STX8: variants seen among roughly 807,000 people sequenced by gnomAD.
STX8 encodes the protein syntaxin 8.
Under a neutral mutation model 37.5 loss-of-function variants are expected in STX8, and 23 were observed. The ratio of observed to expected loss-of-function variants is 0.61; its 90% CI spans 0.44 to 0.87. The LOEUF (loss-of-function observed/expected upper bound fraction) is 0.87, where lower values mean the gene tolerates loss of function less well. Ranked by LOEUF, STX8 falls within the 40% of genes least tolerant of loss-of-function variation. STX8 has a pLI of 0.00. For missense variants in STX8, 313 were observed against 284.7 expected (o/e 1.10, Z -0.71); for synonymous variants, 115 against 99.1 (o/e 1.16, Z -0.95).
At position 9,288,457 on chromosome 17, in the gene STX8, C is replaced by T. The variant is rs904507863; in HGVS notation, c.644-37812G>A. On this transcript the variant is annotated intron_variant, in intron 7 of 7. Transcript: ENST00000306357. ...CGGGTGGATCACGAGATCAAGAGAT[C>T]GAGACCATCCTGGCTAACGCGGTGA... Among the ~76,000 whole-genome samples the T allele has an allele frequency of 3.3e-5, 5 of 151,558 alleles. No homozygotes were observed. In the East Asian group the frequency reaches 7.8e-4, roughly 24 times the overall value.
chr17:9,450,351 C>T (rs771876229), intron 6 of STX8, among the ~76,000 whole-genome samples: 19 of 151,850 alleles, frequency 1.3e-4, no homozygotes, highest in Non-Finnish European at 2.6e-4. Context: ...GCTGGGATTA[C>T]AGGTGTGAGC....
At chr17:9,463,008 C>T (rs928660621) in intron 6 of STX8, among the ~76,000 whole-genome samples, 6 of 152,154 alleles carry the variant, frequency 3.9e-5, no homozygotes, top group African/African-American at 1.4e-4. Flanking sequence ...ATTCATCCAC[C>T]CTGGCAGGAA....
At chr17:9,409,523 A>C (rs1912911894) in intron 6 of STX8, among the ~76,000 whole-genome samples, 1 of 152,156 alleles carries the variant, frequency 6.6e-6, no homozygotes, top group Non-Finnish European at 1.5e-5. Flanking sequence ...GTTGTACTTA[A>C]TTGAATAATT....
At chr17:9,300,349 G>GA (rs57391846) in intron 7 of STX8, among the ~76,000 whole-genome samples, 1 of 123,782 alleles carries the variant, frequency 8.1e-6, no homozygotes, top group Non-Finnish European at 1.6e-5. Flanking sequence ...AAAAAAAAAA[G>GA]AAAGAAAGAA....
chr17:9,335,848 C>CACACACAT (rs1910123250), intron 7 of STX8, among the ~76,000 whole-genome samples: 1 of 122,416 alleles, frequency 8.2e-6, no homozygotes, highest in South Asian at 2.6e-4. Context: ...CACACACACA[C>CACACACAT]TCACACTCAC....
chr17:9,373,540 C>G (rs1012862641), intron 7 of STX8, among the ~76,000 whole-genome samples: 1 of 152,112 alleles, frequency 6.6e-6, no homozygotes, highest in Non-Finnish European at 1.5e-5. Flanking sequence ...CAATAGGTAC[C>G]TAGAATAATC....
chr17:9,537,290 G>T (rs4239106), intron 4 of STX8, among the ~76,000 whole-genome samples: 58,549 of 152,128 alleles, frequency 0.38, 11,881 homozygotes, highest in African/African-American at 0.51. Flanking sequence ...GCCGCCCTCA[G>T]AGCTAGGTTG....
rs181878957 is a variant in STX8, at chr17:9,485,883, G to A, written c.541+5946C>T. ...TTACAGGCATAAGCCACCATGCTCG[G>A]ACAATCCGGGAGTTCTAAATCTGAC... is the stretch of plus-strand genomic sequence containing the variant. On this transcript the variant is annotated intron_variant, in intron 6 of 7. Coordinates refer to ENST00000306357, the MANE Select transcript of STX8 (RefSeq NM_004853.3). Among the ~76,000 whole-genome samples the A allele has an allele frequency of 1.5e-3, 228 of 152,284 alleles. 3 individuals carry two copies. In the South Asian group the frequency reaches 0.021, roughly 14 times the overall value.
In STX8 at chr17:9,551,955, A is replaced by G. The variant is rs74933480; in HGVS notation, c.212+5479T>C. On this transcript the variant is annotated intron_variant, in intron 3 of 7. Transcript: ENST00000306357. Reference sequence around the variant, plus strand: ...ATTTTGCCAGGTATGGATGTTCAAGAAAAAAAAAAAGAAACAAAACTATCT... The same window carrying G: ...ATTTTGCCAGGTATGGATGTTCAAGGAAAAAAAAAAGAAACAAAACTATCT... 3.4e-5 allele frequency among the ~76,000 whole-genome samples: 5 copies of G among 147,560 alleles called. No individual in the cohort carries two copies. The South Asian group carries it at 6.4e-4, about 19-fold the overall frequency.
chr17:9,426,202 G>A (rs1317021903), intron 6 of STX8, among the ~76,000 whole-genome samples: 1 of 152,170 alleles, frequency 6.6e-6, no homozygotes, highest in Non-Finnish European at 1.5e-5. Flanking sequence ...GGGAAGCTGA[G>A]GCAGGAGGAC....
At chr17:9,256,689 G>A (rs1054149453) in intron 7 of STX8, among the ~76,000 whole-genome samples, 14 of 152,198 alleles carry the variant, frequency 9.2e-5, no homozygotes, top group Non-Finnish European at 4.4e-5. Context: ...AGGGTCTGAC[G>A]GTTCCTAAAG....
At chr17:9,572,761 C>T (rs773239262) in intron 1 of STX8, among the ~76,000 whole-genome samples, 1 of 152,044 alleles carries the variant, frequency 6.6e-6, no homozygotes, top group Non-Finnish European at 1.5e-5. Context: ...CCCTAATCAG[C>T]GACCCATTTT....
intron 7 of STX8, among the ~76,000 whole-genome samples, chr17:9,302,664 GA>G (rs534545623): frequency 2.2e-3 from 340 of 152,238 alleles, no homozygotes; most frequent in African/African-American, 6.8e-3. Flanking sequence ...AGGTGCCCAT[GA>G]CCTGGCTTTG....
chr17:9,562,838 G>C (rs967516810), intron 2 of STX8, among the ~76,000 whole-genome samples: 3 of 151,972 alleles, frequency 2.0e-5, no homozygotes, highest in African/African-American at 7.2e-5. Flanking sequence ...TTTGAGGGGG[G>C]ATTTCACATC....
Position 9,308,721 on chromosome 17 carries a change from CAAAAAAA to C in STX8, c.644-58083_644-58077del, listed in dbSNP as rs1171647976. ...CTGGAGGACAACAGTGAAACTCCGTCAAAAAAAAAAAAAAAAAAAAAAAGGAATTCTA... is the reference window on the plus strand; with the variant it reads ...CTGGAGGACAACAGTGAAACTCCGTCAAAAAAAAAAAAAAAAGGAATTCTA... On this transcript the variant is annotated intron_variant, in intron 7 of 7. Transcript: ENST00000306357. Among the ~76,000 whole-genome samples the C allele has an allele frequency of 9.5e-3, 679 of 71,378 alleles. 1 individual carries two copies. Among genetic ancestry groups the C allele is most frequent in the Non-Finnish European group, 0.015 (529 of 34,422 alleles). 46.8% of individuals were successfully genotyped at this position (71,378 alleles called of 152,430 possible).
At chr17:9,324,157 A>AC (rs1567783713) in intron 7 of STX8, among the ~76,000 whole-genome samples, 1,256 of 113,998 alleles carry the variant, frequency 0.011, 34 homozygotes, top group Admixed American at 0.072. Context: ...CACACACACA[A>AC]ACACAAACAC....
intron 5 of STX8, among the ~76,000 whole-genome samples, chr17:9,495,313 A>T (rs997691666): frequency 7.2e-5 from 11 of 152,320 alleles, no homozygotes; most frequent in African/African-American, 2.6e-4. Flanking sequence ...CTCCAAGATA[A>T]ATCCATCCTC....
At chr17:9,430,495 C>T (rs1251472671) in intron 6 of STX8, among the ~76,000 whole-genome samples, 1 of 151,660 alleles carries the variant, frequency 6.6e-6, no homozygotes, top group Non-Finnish European at 1.5e-5. Flanking sequence ...TTGTATCTGG[C>T]TTATTTCACT....
In STX8 at chr17:9,575,781, C is replaced by G. The variant is rs7224817; in HGVS notation, c.17+11G>C. ...TCCCTCCACGCACCGCCGCCCTCAC[C>G]CGGGACTCACCAGGGGTCCGGTGCC... On this transcript the variant is annotated intron_variant, in intron 1 of 7. Coordinates refer to ENST00000306357, the MANE Select transcript of STX8 (RefSeq NM_004853.3). The G allele has an allele frequency of 1.3e-6, 2 of 1,544,392 alleles. No homozygotes were observed. The highest frequency in any genetic ancestry group is 1.4e-5 in the African/African-American group (1 of 73,050).
Sources: allele counts gnomAD v4.1 joint callset (sites outside exome capture counted in the v4.1 genomes callset), GRCh38; gene constraint gnomAD v4.1.1; transcripts MANE v1.5; gene names NCBI Gene and HGNC (gene_info 2026-07-23, HGNC 2026-07-21).